The following TEX9 variants were observed in gnomAD, a reference collection of about 807,000 sequenced individuals.
The protein encoded by TEX9 is testis expressed 9.
In TEX9, 74 loss-of-function variants were observed where a neutral mutation model predicts 59.6. That is an observed-to-expected ratio of 1.24 (90% CI 1.03 to 1.51). The LOEUF is 1.51. Among genes scored for constraint, TEX9 ranks in the 40% most tolerant of loss-of-function variants. The probability of loss-of-function intolerance (pLI) is 0.00; values close to 1 mark genes in which losing one functional copy is unlikely to be tolerated. For missense variants in TEX9, 522 were observed against 447.8 expected (o/e 1.17, Z -1.49); for synonymous variants, 186 against 152.2 (o/e 1.22, Z -1.64).
At chr15:56,369,974 C>CTTTTA (rs10653703) in intron 2 of TEX9, among the ~76,000 whole-genome samples, 1 of 151,436 alleles carries the variant, frequency 6.6e-6, no homozygotes. Context: ...TATGCAGTGT[C>CTTTTA]TATCTTTCTT....
chr15:56,272,938 A>ATTT (rs1376179172), intron 1 of TEX9, among the ~76,000 whole-genome samples: 4 of 137,034 alleles, frequency 2.9e-5, no homozygotes, highest in African/African-American at 8.2e-5. Context: ...TTATTTATTT[A>ATTT]TTTTTTTTGT....
intron 1 of TEX9, among the ~76,000 whole-genome samples, chr15:56,245,935 T>C (rs565217114): frequency 6.6e-6 from 1 of 152,226 alleles, no homozygotes; most frequent in African/African-American, 2.4e-5. Flanking sequence ...AAGGTTCTAA[T>C]TTTTTGCCTT....
chr15:56,288,599 C>T (rs375822878), intron 1 of TEX9, among the ~76,000 whole-genome samples: 3 of 151,864 alleles, frequency 2.0e-5, no homozygotes, highest in African/African-American at 7.2e-5. Flanking sequence ...GCTGAGAAAC[C>T]CATTGCTAGC....
At chr15:56,407,349 A>G (rs1388905168) in intron 9 of TEX9, among the ~76,000 whole-genome samples, 1 of 152,056 alleles carries the variant, frequency 6.6e-6, no homozygotes, top group Non-Finnish European at 1.5e-5. Context: ...TTTCTTTTGG[A>G]AGGATTTCAA....
chr15:56,300,685 CAGAGAG>C (rs71110380), intron 1 of TEX9, among the ~76,000 whole-genome samples: 1 of 115,636 alleles, frequency 8.6e-6, no homozygotes, highest in Non-Finnish European at 1.7e-5. Context: ...AGCAACTCAG[CAGAGAG>C]AGAGAGAGAG....
exon 13 of TEX9, chr15:56,445,804 C>G (rs186337796): frequency 6.6e-6 from 1 of 152,080 alleles, no homozygotes; most frequent in Admixed American, 6.5e-5. Flanking sequence ...TCGTAGGAGT[C>G]AGATTAAAAC....
chr15:56,388,216 C>G (rs1238490578), intron 4 of TEX9, among the ~76,000 whole-genome samples: 1 of 151,966 alleles, frequency 6.6e-6, no homozygotes, highest in Admixed American at 6.6e-5. Flanking sequence ...GATTTCCATT[C>G]ATTAAAATTT....
intron 1 of TEX9, among the ~76,000 whole-genome samples, chr15:56,355,993 C>T (rs761911481): frequency 6.6e-6 from 1 of 151,944 alleles, no homozygotes; most frequent in Admixed American, 6.6e-5. Flanking sequence ...ATATTGACCT[C>T]GCATCCTAAA....
At chr15:56,356,084 C>T (rs2046679014) in intron 1 of TEX9, among the ~76,000 whole-genome samples, 1 of 151,960 alleles carries the variant, frequency 6.6e-6, no homozygotes, top group Admixed American at 6.6e-5. Flanking sequence ...CATCTATGAA[C>T]AAAAAGTTTT....
At chr15:56,332,712 T>A (rs2046176690) in intron 1 of TEX9, among the ~76,000 whole-genome samples, 1 of 144,318 alleles carries the variant, frequency 6.9e-6, no homozygotes, top group South Asian at 2.2e-4. Flanking sequence ...AAAATTGAAA[T>A]GAAAAAACAT....
chr15:56,395,826 T>C (rs1397056303), intron 9 of TEX9: 1 of 152,176 alleles, frequency 6.6e-6, no homozygotes, highest in Non-Finnish European at 1.5e-5. Context: ...TTTGAAAAAA[T>C]TACTGAATAA....
At chr15:56,392,692 C>A (rs1390880102) in intron 7 of TEX9, among the ~76,000 whole-genome samples, 2 of 152,114 alleles carry the variant, frequency 1.3e-5, no homozygotes, top group Non-Finnish European at 2.9e-5. Context: ...TCTGCACTTA[C>A]TATATTTACT....
intron 10 of TEX9, among the ~76,000 whole-genome samples, chr15:56,424,372 A>G (rs1292443936): frequency 1.3e-5 from 2 of 152,132 alleles, no homozygotes; most frequent in Non-Finnish European, 2.9e-5. Flanking sequence ...AAACCTATGC[A>G]TATCTCTGGA....
chr15:56,381,901 G>A (rs2047746199), intron 3 of TEX9, among the ~76,000 whole-genome samples: 1 of 152,204 alleles, frequency 6.6e-6, no homozygotes, highest in African/African-American at 2.4e-5. Context: ...TCTACAATCA[G>A]CAGGTGATGA....
chr15:56,333,450 T>A, intron 1 of TEX9, among the ~76,000 whole-genome samples: 1 of 146,310 alleles, frequency 6.8e-6, no homozygotes, highest in South Asian at 2.2e-4. Flanking sequence ...GGAAAAGCAT[T>A]TGATGAAATT....
intron 9 of TEX9, among the ~76,000 whole-genome samples, chr15:56,400,736 A>T (rs1241200022): frequency 1.3e-5 from 2 of 152,214 alleles, no homozygotes; most frequent in African/African-American, 2.4e-5. Flanking sequence ...AGCCAGACAG[A>T]AAGGTCGGGT....
At chr15:56,300,059 C>A (rs566766915) in intron 1 of TEX9, among the ~76,000 whole-genome samples, 1 of 152,066 alleles carries the variant, frequency 6.6e-6, no homozygotes, top group Non-Finnish European at 1.5e-5. Context: ...CAGCACCAAG[C>A]GGGTTCCCGG....
At chr15:56,456,635 G>T in the TEX9 span, 4 of 1,021,506 alleles carry the variant, frequency 3.9e-6, no homozygotes, top group South Asian at 1.6e-5. Context: ...AATTGATGAT[G>T]TTTTATTTTA....
At chr15:56,380,293 A>C (rs1192574570) in intron 3 of TEX9, among the ~76,000 whole-genome samples, 1 of 152,196 alleles carries the variant, frequency 6.6e-6, no homozygotes, top group East Asian at 1.9e-4. Context: ...TGCAAAAAGA[A>C]AACTAATACA....
Sources: allele counts gnomAD v4.1 joint callset (sites outside exome capture counted in the v4.1 genomes callset), GRCh38; gene constraint gnomAD v4.1.1; transcripts MANE v1.5; gene names NCBI Gene and HGNC (gene_info 2026-07-23, HGNC 2026-07-21).